CLDN14: variants seen among roughly 807,000 people sequenced by gnomAD.
The protein encoded by CLDN14 is claudin 14, also known as claudin-14.
A neutral mutation model predicts 2.1 loss-of-function variants in CLDN14; 2 were observed. The observed-to-expected ratio is 0.96, with a 90% CI of 0.39 to 3.01. The LOEUF (loss-of-function observed/expected upper bound fraction) is 3.01, where lower values mean the gene tolerates loss of function less well. Ranked by LOEUF, CLDN14 falls within the 30% of genes most tolerant of loss-of-function variation. The pLI is 0.09. For missense variants in CLDN14, 298 were observed against 328.0 expected (o/e 0.91, Z 0.71); for synonymous variants, 136 against 154.4 (o/e 0.88, Z 0.88).
Position 36,468,319 on chromosome 21 carries a change from G to A in CLDN14, c.-81-6543C>T, listed in dbSNP as rs576531151. 2.6e-5 allele frequency among the ~76,000 whole-genome samples: 4 copies of A among 152,272 alleles called. No individual in the cohort carries two copies. The South Asian group carries it at 6.2e-4, about 24-fold the overall frequency. On this transcript the variant is annotated intron_variant, in intron 1 of 1. Coordinates refer to ENST00000399135, the MANE Select transcript of CLDN14 (RefSeq NM_001146079.2). ...AGGCTGGAGATGGTGGCTCACACTT[G>A]TAATCCCAGCATTTTGGGAGGCTGA...
chr21:36,523,441 C>A (rs1467655569), intron 1 of CLDN14, among the ~76,000 whole-genome samples: 1 of 151,964 alleles, frequency 6.6e-6, no homozygotes, highest in East Asian at 1.9e-4. Flanking sequence ...AGGAAGTTTC[C>A]CAGTTTAGGT....
chr21:36,524,522 CAA>C (rs2087308277), intron 1 of CLDN14, among the ~76,000 whole-genome samples: 1 of 152,162 alleles, frequency 6.6e-6, no homozygotes, highest in South Asian at 2.1e-4. Context: ...TTCTAAAACC[CAA>C]AGTCATGATA....
chr21:36,470,381 A>C (rs1007779100), intron 1 of CLDN14, among the ~76,000 whole-genome samples: 1 of 152,252 alleles, frequency 6.6e-6, no homozygotes, highest in East Asian at 1.9e-4. Flanking sequence ...GAACATGTGC[A>C]GACGGAGGCA....
rs560001515 is a variant in CLDN14 at position 36,538,977 on chromosome 21, T to A, written c.-219-28477A>T. Among the ~76,000 whole-genome samples the A allele has an allele frequency of 3.3e-5, 5 of 152,260 alleles. No individual in the cohort carries two copies. The East Asian group carries it at 9.7e-4, about 29-fold the overall frequency. ...CACACCCACACACAGAGCTTGCTTC[T>A]CAACTAGGCCCGGCCAGCGCAGCTT... is the stretch of plus-strand genomic sequence containing the variant. On this transcript the variant is annotated intron_variant, in intron 1 of 2. Coordinates refer to the CLDN14 transcript ENST00000342108.
chr21:36,530,394 C>A (rs2087370501), intron 1 of CLDN14, among the ~76,000 whole-genome samples: 3 of 152,262 alleles, frequency 2.0e-5, no homozygotes, highest in African/African-American at 7.2e-5. Flanking sequence ...TTCTCTCTAG[C>A]CTCACCTTCA....
intron 2 of CLDN14, among the ~76,000 whole-genome samples, chr21:36,490,385 A>ATTTTTTTTT (rs71198817): frequency 6.9e-5 from 7 of 102,054 alleles, no homozygotes; most frequent in East Asian, 6.4e-4. Context: ...TTTTTTTTTA[A>ATTTTTTTTT]TTTTTTTTTT....
intron 2 of CLDN14, chr21:36,486,959 T>C: frequency 2.0e-6 from 1 of 488,806 alleles, no homozygotes; most frequent in Non-Finnish European, 3.9e-6. Context: ...GCCATGTTGT[T>C]CTCAGGGTTG....
At position 36,489,158 on chromosome 21, in the gene CLDN14, G is replaced by GGAGA. The variant is rs369533067; in HGVS notation, c.-82+21201_-82+21204dup. On this transcript the variant is annotated intron_variant, in intron 2 of 2. Transcript: ENST00000342108. ...TATATATATATATATATATATATAT[G>GGAGA]GAGAGAGAGAGAGAGAGAAAGAGAA... Among the ~76,000 whole-genome samples, 614 of 80,194 alleles carry GGAGA rather than the reference G, an allele frequency of 7.7e-3. 4 individuals carry two copies. The highest frequency in any genetic ancestry group is 0.026 in the African/African-American group (561 of 21,310). 52.6% of individuals were successfully genotyped at this position (80,194 alleles called of 152,430 possible).
intron 1 of CLDN14, among the ~76,000 whole-genome samples, chr21:36,512,081 A>T (rs114639224): frequency 6.6e-6 from 1 of 152,146 alleles, no homozygotes; most frequent in East Asian, 1.9e-4. Context: ...TGATGCTCCT[A>T]TGTGAGCAGA....
chr21:36,485,014 TA>T (rs913250646), upstream of CLDN14, among the ~76,000 whole-genome samples: 5 of 151,520 alleles, frequency 3.3e-5, 1 homozygote, highest in Non-Finnish European at 7.4e-5. Context: ...ACTGGGCTGA[TA>T]AGGGCCAATT....
chr21:36,519,782 T>C (rs1250041253), intron 1 of CLDN14, among the ~76,000 whole-genome samples: 1 of 152,096 alleles, frequency 6.6e-6, no homozygotes, highest in Non-Finnish European at 1.5e-5. Context: ...AGTCAAGTCT[T>C]TCTTGCTACC....
chr21:36,553,718 GTCAGCAGGACCTGCTA>G (rs1472901431), intron 1 of CLDN14, among the ~76,000 whole-genome samples: 9 of 151,946 alleles, frequency 5.9e-5, no homozygotes, highest in Admixed American at 2.6e-4. Flanking sequence ...ACCTGCTACA[GTCAGCAGGACCTGCTA>G]CAGTCAGCAG....
chr21:36,489,131 A>AAAAAAAAAATATAT, intron 2 of CLDN14, among the ~76,000 whole-genome samples: 5 of 62,736 alleles, frequency 8.0e-5, no homozygotes, highest in African/African-American at 2.9e-4. Context: ...AAAAAAAAAA[A>AAAAAAAAAATATAT]ATATATATAT....
chr21:36,494,415 C>T (rs1601609632), intron 2 of CLDN14, among the ~76,000 whole-genome samples: 1 of 152,276 alleles, frequency 6.6e-6, no homozygotes. Context: ...ACTAAAGAAG[C>T]TCTGTGGTCC....
At chr21:36,532,608 TA>T (rs956877069) in intron 1 of CLDN14, among the ~76,000 whole-genome samples, 30 of 150,436 alleles carry the variant, frequency 2.0e-4, no homozygotes, top group South Asian at 6.4e-4. Context: ...ATAATAAAAT[TA>T]AAAAAAAAGT....
At chr21:36,467,347 C>T (rs552023163) in intron 1 of CLDN14, among the ~76,000 whole-genome samples, 19 of 152,266 alleles carry the variant, frequency 1.2e-4, no homozygotes, top group South Asian at 6.2e-4. Context: ...ATCGCCTGGC[C>T]AGGACTGAGG....
intron 2 of CLDN14, chr21:36,486,872 G>A (rs1054056690): frequency 1.4e-6 from 1 of 703,502 alleles, no homozygotes; most frequent in African/African-American, 1.7e-5. Flanking sequence ...TGGACGGTGT[G>A]TAGCTTGGAC....
At chr21:36,538,851 C>T (rs969955899) in intron 1 of CLDN14, among the ~76,000 whole-genome samples, 3 of 152,168 alleles carry the variant, frequency 2.0e-5, no homozygotes, top group Non-Finnish European at 4.4e-5. Context: ...CACCCCAACT[C>T]AGGAATGGGC....
intron 1 of CLDN14, among the ~76,000 whole-genome samples, chr21:36,528,927 C>T (rs956107332): frequency 1.3e-5 from 2 of 152,166 alleles, no homozygotes; most frequent in South Asian, 4.1e-4. Flanking sequence ...GACGCGAGCT[C>T]GGCTGCGGCT....
Sources: gnomAD v4.1 joint callset for allele counts (sites outside exome capture counted in the v4.1 genomes callset) on GRCh38, gnomAD v4.1.1 for gene constraint, MANE v1.5 for transcripts, NCBI Gene and HGNC (gene_info 2026-07-23, HGNC 2026-07-21) for gene names.